Variants in RBM46 observed in about 807,000 individuals in gnomAD.
RBM46 encodes RNA binding motif protein 46.
RBM46 carries 12 observed loss-of-function variants against 43.3 expected under a neutral mutation model. The observed-to-expected ratio is 0.28, with a 90% CI of 0.18 to 0.45. The LOEUF (loss-of-function observed/expected upper bound fraction) is 0.45, where lower values mean the gene tolerates loss of function less well. Among genes scored for constraint, RBM46 ranks in the 20% least tolerant of loss-of-function variants. RBM46 has a pLI of 1.00. For missense variants in RBM46, 412 were observed against 639.1 expected (o/e 0.64, Z 3.83); for synonymous variants, 205 against 207.6 (o/e 0.99, Z 0.11).
intron 4 of RBM46, chr4:154,826,669 A>C: frequency 1.4e-6 from 1 of 720,536 alleles, no homozygotes; most frequent in Non-Finnish European, 2.3e-6. Context: ...TAAAAAGGTT[A>C]TAAAATTAGT....
chr4:154,817,866 T>C (rs561218833), intron 4 of RBM46, among the ~76,000 whole-genome samples: 4 of 152,100 alleles, frequency 2.6e-5, no homozygotes, highest in Non-Finnish European at 4.4e-5. Context: ...TTTGACTTTC[T>C]TTTCTTTAGC....
chr4:154,790,533 T>A (rs1734032357), intron 1 of RBM46: 1 of 152,234 alleles, frequency 6.6e-6, no homozygotes, highest in African/African-American at 2.4e-5. Flanking sequence ...CTTCAGAATA[T>A]CACATATACC....
chr4:154,787,558 C>T (rs1733842999), intron 1 of RBM46, among the ~76,000 whole-genome samples: 1 of 151,970 alleles, frequency 6.6e-6, no homozygotes, highest in Non-Finnish European at 1.5e-5. Flanking sequence ...GTATATGTGC[C>T]ACATTTTCTT....
intron 1 of RBM46, among the ~76,000 whole-genome samples, chr4:154,783,764 C>CT (rs141449029): frequency 0.032 from 4,909 of 152,170 alleles, 281 homozygotes; most frequent in African/African-American, 0.11. Flanking sequence ...AATATTAAAA[C>CT]TTTTATCCAT....
intron 4 of RBM46, among the ~76,000 whole-genome samples, chr4:154,799,804 G>C (rs1379766282): frequency 7.0e-6 from 1 of 143,518 alleles, no homozygotes; most frequent in African/African-American, 2.6e-5. Flanking sequence ...TTGTCGCCTA[G>C]GCTTATGTGC....
At chr4:154,827,628 C>A in intron 4 of RBM46, 3 of 1,269,370 alleles carry the variant, frequency 2.4e-6, no homozygotes, top group Non-Finnish European at 3.0e-6. Flanking sequence ...TCCAAGAATT[C>A]ATTCTGGTAA....
chr4:154,819,747 A>C (rs1031927970), intron 4 of RBM46, among the ~76,000 whole-genome samples: 2 of 152,168 alleles, frequency 1.3e-5, no homozygotes, highest in African/African-American at 4.8e-5. Flanking sequence ...CTTAGCATAG[A>C]TTTGGATATA....
Position 154,785,426 on chromosome 4 carries a change from T to C in RBM46, c.-12+3990T>C, listed in dbSNP as rs997341861. Among the ~76,000 whole-genome samples, 4 of 152,048 alleles carry C rather than the reference T, an allele frequency of 2.6e-5. 1 individual carries two copies. The highest frequency in any genetic ancestry group is 2.0e-4 in the Admixed American group (3 of 15,258). The stretch of plus-strand genomic sequence containing the variant: ...ATTGTAGTTAAAAAAAAAAAAAGTC[T>C]TGTTTATTAAGTTAAATTCTACATT... On this transcript the variant is annotated intron_variant, in intron 1 of 4. Transcript: ENST00000281722.
At chr4:154,825,866 T>C (rs1460641282) in intron 4 of RBM46, among the ~76,000 whole-genome samples, 2 of 152,340 alleles carry the variant, frequency 1.3e-5, no homozygotes, top group African/African-American at 2.4e-5. Context: ...CTTGAGTGGA[T>C]GTAAACTCAA....
intron 4 of RBM46, chr4:154,820,564 A>C: frequency 2.0e-6 from 1 of 496,848 alleles, no homozygotes; most frequent in Non-Finnish European, 3.4e-6. Context: ...TTAATTATAG[A>C]CTCATTAAGC....
chr4:154,826,743 T>C, intron 4 of RBM46: 2 of 707,590 alleles, frequency 2.8e-6, no homozygotes, highest in Non-Finnish European at 3.9e-6. Context: ...TTTTTCCTTT[T>C]TTTTTTTTTT....
At chr4:154,827,446 G>T in intron 4 of RBM46, 2 of 995,360 alleles carry the variant, frequency 2.0e-6, no homozygotes, top group Non-Finnish European at 2.4e-6. Flanking sequence ...CTGCTGGTTT[G>T]ATGCCTAATA....
chr4:154,812,483 A>G lies in RBM46; in HGVS notation c.1402+12919A>G, dbSNP rs566283219. 7.2e-5 allele frequency among the ~76,000 whole-genome samples: 11 copies of G among 152,300 alleles called. No individual in the cohort carries two copies. In the South Asian group the frequency reaches 2.3e-3, roughly 32 times the overall value. ...TGAATGGCATGTGTCAAGGTGGCAGATGATATATGTCTTTCCCCCATCCAG... is the reference window on the plus strand; with the variant it reads ...TGAATGGCATGTGTCAAGGTGGCAGGTGATATATGTCTTTCCCCCATCCAG... On this transcript the variant is annotated intron_variant, in intron 4 of 4. Coordinates refer to ENST00000281722, the MANE Select transcript of RBM46 (RefSeq NM_144979.5).
intron 4 of RBM46, among the ~76,000 whole-genome samples, chr4:154,800,519 C>T (rs1450163029): frequency 6.6e-6 from 1 of 152,188 alleles, no homozygotes; most frequent in East Asian, 1.9e-4. Flanking sequence ...GAAAGATATG[C>T]TAACTAAATA....
At chr4:154,808,948 A>C (rs964834191) in intron 4 of RBM46, among the ~76,000 whole-genome samples, 6 of 151,894 alleles carry the variant, frequency 4.0e-5, no homozygotes, top group African/African-American at 1.4e-4. Flanking sequence ...GGCAATACTA[A>C]GCAAAAATAT....
chr4:154,798,760 A>C lies in RBM46; in HGVS notation c.620-22A>C, dbSNP rs780731284. The C allele has an allele frequency of 2.9e-6, 4 of 1,368,910 alleles. No homozygotes were observed. The African/African-American group carries it at 9.2e-5, about 32-fold the overall frequency. The allele number at this position is 1,368,910 out of a possible 1,614,324, so 84.8% of individuals were successfully genotyped here. A position where few individuals can be genotyped will look rare whatever the true frequency, so the allele number is the denominator to read the frequency against. ...TTATTCTTTATTTTAATTCTCTTCA[A>C]ATTATTATTTTTTTTTTACAGGAAC... On this transcript the variant is annotated intron_variant, in intron 3 of 4. Transcript: ENST00000281722.
rs751963103 is a variant in RBM46, at chr4:154,811,651, A to ATGTGTGTGTG, written c.1402+12095_1402+12104dup. ...CACAGTTCCTTGTGGTAGATAGGAT[A>ATGTGTGTGTG]TGTGTGTGTGTGTGTGTCTGTGTGT... On this transcript the variant is annotated intron_variant, in intron 4 of 4. Transcript: ENST00000281722. Among the ~76,000 whole-genome samples, 6 of 132,530 alleles carry ATGTGTGTGTG rather than the reference A, an allele frequency of 4.5e-5. No individual in the cohort carries two copies. In the East Asian group the frequency reaches 8.8e-4, roughly 19 times the overall value. The allele number at this position is 132,530 out of a possible 152,430, so 86.9% of individuals were successfully genotyped here.
intron 1 of RBM46, among the ~76,000 whole-genome samples, chr4:154,787,606 G>C (rs1454105010): frequency 6.6e-6 from 1 of 152,046 alleles, no homozygotes. Context: ...GGGTTGGTGT[G>C]AAGTCTTTGC....
intron 4 of RBM46, among the ~76,000 whole-genome samples, chr4:154,809,630 T>A (rs1735082468): frequency 6.6e-6 from 1 of 152,094 alleles, no homozygotes; most frequent in Non-Finnish European, 1.5e-5. Flanking sequence ...TTAGGAAAAG[T>A]TGGAAAGATG....
Sources: allele counts gnomAD v4.1 joint callset (sites outside exome capture counted in the v4.1 genomes callset), GRCh38; gene constraint gnomAD v4.1.1; transcripts MANE v1.5; gene names NCBI Gene and HGNC (gene_info 2026-07-23, HGNC 2026-07-21).